Variants in NTNG1 observed in about 807,000 individuals in gnomAD.
The protein encoded by NTNG1 is netrin G1.
Under a neutral mutation model 54.0 loss-of-function variants are expected in NTNG1, and 16 were observed. The observed-to-expected ratio is 0.30, with a 90% CI of 0.20 to 0.45. The LOEUF is 0.45. Among genes scored for constraint, NTNG1 ranks in the 20% least tolerant of loss-of-function variants. The pLI, the probability that NTNG1 is intolerant of heterozygous loss-of-function variation, is 1.00. For synonymous variants in NTNG1, 255 were observed against 263.1 expected (o/e 0.97, Z 0.30); for missense variants, 530 against 678.7 (o/e 0.78, Z 2.43).
At chr1:107,374,839 T>C (rs537787694) in intron 3 of NTNG1, among the ~76,000 whole-genome samples, 5 of 152,278 alleles carry the variant, frequency 3.3e-5, no homozygotes, top group African/African-American at 1.2e-4. Context: ...TTTAGGGTTT[T>C]TTTTTCTGTG....
chr1:107,316,938 C>T (rs1667369449), intron 2 of NTNG1, among the ~76,000 whole-genome samples: 1 of 152,160 alleles, frequency 6.6e-6, no homozygotes, highest in African/African-American at 2.4e-5. Context: ...TGCAAGAAGC[C>T]AGATGCTATT....
chr1:107,356,002 G>A (rs1669912443), intron 3 of NTNG1, among the ~76,000 whole-genome samples: 1 of 152,136 alleles, frequency 6.6e-6, no homozygotes, highest in Non-Finnish European at 1.5e-5. Context: ...AGAAACAAAA[G>A]TCTTCATATT....
intron 2 of NTNG1, among the ~76,000 whole-genome samples, chr1:107,257,334 T>G (rs548439122): frequency 5.6e-4 from 85 of 152,322 alleles, no homozygotes; most frequent in African/African-American, 2.0e-3. Context: ...TAGAGAAATA[T>G]TTGAGAAAAG....
intron 3 of NTNG1, among the ~76,000 whole-genome samples, chr1:107,361,393 T>TATATA (rs10637251): frequency 0.023 from 620 of 26,702 alleles, 8 homozygotes; most frequent in African/African-American, 0.049. Flanking sequence ...ATATATATAT[T>TATATA]TTTTTTTTTT....
chr1:107,396,970 A>G (rs1384769788), intron 4 of NTNG1, among the ~76,000 whole-genome samples: 1 of 152,166 alleles, frequency 6.6e-6, no homozygotes, highest in African/African-American at 2.4e-5. Flanking sequence ...ATTTCAAGAC[A>G]TTTTCACTGG....
At chr1:107,264,477 C>A (rs1663596069) in intron 2 of NTNG1, among the ~76,000 whole-genome samples, 1 of 152,120 alleles carries the variant, frequency 6.6e-6, no homozygotes, top group Non-Finnish European at 1.5e-5. Context: ...ATCTATGTCC[C>A]CCATCCTTCC....
At chr1:107,172,502 T>G (rs1280579144) in intron 2 of NTNG1, among the ~76,000 whole-genome samples, 1 of 152,176 alleles carries the variant, frequency 6.6e-6, no homozygotes, top group Non-Finnish European at 1.5e-5. Context: ...AGCAAAAATC[T>G]TGGCAGTCTG....
At chr1:107,329,892 T>A (rs1668179942) in intron 3 of NTNG1, among the ~76,000 whole-genome samples, 2 of 151,882 alleles carry the variant, frequency 1.3e-5, no homozygotes, top group Non-Finnish European at 2.9e-5. Context: ...ACAGACTTTA[T>A]AAACAACAAC....
At chr1:107,384,930 T>C (rs1475773548) in intron 3 of NTNG1, among the ~76,000 whole-genome samples, 1 of 152,214 alleles carries the variant, frequency 6.6e-6, no homozygotes, top group African/African-American at 2.4e-5. Flanking sequence ...CATTTTTGCT[T>C]AGCAGGGATA....
At chr1:107,446,663 C>T (rs926177560) in intron 7 of NTNG1, among the ~76,000 whole-genome samples, 2 of 152,024 alleles carry the variant, frequency 1.3e-5, no homozygotes, top group African/African-American at 4.8e-5. Flanking sequence ...TGTGATTGAG[C>T]CCATTGAACC....
chr1:107,153,932 C>T (rs1471471327), intron 2 of NTNG1, among the ~76,000 whole-genome samples: 1 of 152,200 alleles, frequency 6.6e-6, no homozygotes, highest in Non-Finnish European at 1.5e-5. Context: ...AAAACCACCT[C>T]ATGTCATTTA....
intron 7 of NTNG1, among the ~76,000 whole-genome samples, chr1:107,452,864 G>T (rs906153779): frequency 2.0e-5 from 3 of 152,074 alleles, no homozygotes; most frequent in Admixed American, 6.6e-5. Flanking sequence ...CTATAGCAAC[G>T]CAAAATGGAC....
intron 2 of NTNG1, among the ~76,000 whole-genome samples, chr1:107,175,605 G>GTTTT (rs1390185431): frequency 6.7e-6 from 1 of 149,760 alleles, no homozygotes; most frequent in African/African-American, 2.5e-5. Context: ...CTTTCTGTGT[G>GTTTT]TTTTGTTTTT....
At chr1:107,334,949 A>G (rs1668494665) in intron 3 of NTNG1, among the ~76,000 whole-genome samples, 1 of 152,040 alleles carries the variant, frequency 6.6e-6, no homozygotes, top group African/African-American at 2.4e-5. Context: ...ATTGGAGCTT[A>G]GCCCATTGTT....
chr1:107,471,417 T>C (rs377320231), intron 7 of NTNG1, among the ~76,000 whole-genome samples: 3 of 152,190 alleles, frequency 2.0e-5, no homozygotes, highest in African/African-American at 4.8e-5. Flanking sequence ...TTTCAGTCTG[T>C]TGTTTGCATC....
intron 3 of NTNG1, among the ~76,000 whole-genome samples, chr1:107,351,313 A>AATTTAT (rs2101960101): frequency 6.6e-6 from 1 of 152,284 alleles, no homozygotes; most frequent in Non-Finnish European, 1.5e-5. Context: ...AAATACCTGA[A>AATTTAT]ACTGGATAAT....
chr1:107,195,667 AC>A (rs1658268546), intron 2 of NTNG1, among the ~76,000 whole-genome samples: 1 of 151,748 alleles, frequency 6.6e-6, no homozygotes, highest in African/African-American at 2.4e-5. Context: ...TCCCTTGCCC[AC>A]CTTTTTCCAG....
intron 3 of NTNG1, among the ~76,000 whole-genome samples, chr1:107,354,149 C>T (rs1354711004): frequency 6.6e-6 from 1 of 152,004 alleles, no homozygotes; most frequent in Non-Finnish European, 1.5e-5. Context: ...ATTGTTCCAG[C>T]ACCATTTATT....
chr1:107,467,808 T>G (rs1421688627), intron 7 of NTNG1, among the ~76,000 whole-genome samples: 1 of 152,250 alleles, frequency 6.6e-6, no homozygotes, highest in Non-Finnish European at 1.5e-5. Context: ...TTTAAATGTT[T>G]GGTCTCCAGT....
Sources: allele counts gnomAD v4.1 joint callset (sites outside exome capture counted in the v4.1 genomes callset), GRCh38; gene constraint gnomAD v4.1.1; transcripts MANE v1.5; gene names NCBI Gene and HGNC (gene_info 2026-07-23, HGNC 2026-07-21).